The following PRKG1 variants were observed in gnomAD, a reference collection of about 807,000 sequenced individuals.
PRKG1 encodes the protein cGMP-dependent protein kinase 1.
PRKG1 carries 35 observed loss-of-function variants against 88.1 expected under a neutral mutation model. That is an observed-to-expected ratio of 0.40 (90% CI 0.30 to 0.53). The LOEUF is 0.53. Among genes scored for constraint, PRKG1 ranks in the 20% least tolerant of loss-of-function variants. The pLI is 0.59. For missense variants in PRKG1, 540 were observed against 839.8 expected (o/e 0.64, Z 4.41); for synonymous variants, 303 against 292.5 (o/e 1.04, Z -0.37).
chr10:52,268,452 T>C (rs544125127), intron 10 of PRKG1, among the ~76,000 whole-genome samples: 1 of 152,054 alleles, frequency 6.6e-6, no homozygotes, highest in African/African-American at 2.4e-5. Context: ...CCCTAACACA[T>C]GGAGGTCCCT....
intron 2 of PRKG1, among the ~76,000 whole-genome samples, chr10:51,400,336 A>G (rs2132666027): frequency 6.6e-6 from 1 of 152,346 alleles, no homozygotes; most frequent in African/African-American, 2.4e-5. Context: ...GGACAGGAGG[A>G]TGAGAAACAG....
At chr10:52,175,496 T>C (rs1006655882) in intron 9 of PRKG1, among the ~76,000 whole-genome samples, 6 of 152,112 alleles carry the variant, frequency 3.9e-5, no homozygotes, top group African/African-American at 1.4e-4. Flanking sequence ...TTCCTTTTCT[T>C]TGGTTAAATG....
chr10:51,951,074 A>G (rs571482363), intron 5 of PRKG1, among the ~76,000 whole-genome samples: 1 of 152,344 alleles, frequency 6.6e-6, no homozygotes, highest in South Asian at 2.1e-4. Context: ...TCAGAAAAAA[A>G]TCAGTCGGGG....
chr10:51,469,916 A>G (rs1840003855), intron 3 of PRKG1, among the ~76,000 whole-genome samples: 1 of 151,932 alleles, frequency 6.6e-6, no homozygotes, highest in African/African-American at 2.4e-5. Context: ...TCTGTGCGCA[A>G]CTGTTTCTTC....
At chr10:51,798,457 G>A (rs377197213) in intron 3 of PRKG1, among the ~76,000 whole-genome samples, 1 of 151,844 alleles carries the variant, frequency 6.6e-6, no homozygotes, top group African/African-American at 2.4e-5. Context: ...TATCTTCTTG[G>A]CCAACTTTGA....
intron 1 of PRKG1, among the ~76,000 whole-genome samples, chr10:51,027,437 T>G (rs1843222195): frequency 6.6e-6 from 1 of 152,230 alleles, no homozygotes; most frequent in Non-Finnish European, 1.5e-5. Context: ...TGGAATAAGT[T>G]GTTGCATAAT....
intron 2 of PRKG1, among the ~76,000 whole-genome samples, chr10:51,267,042 A>G (rs1474531211): frequency 6.6e-6 from 1 of 152,194 alleles, no homozygotes; most frequent in Non-Finnish European, 1.5e-5. Context: ...AATGCTCGTC[A>G]CCAACTCCAC....
intron 2 of PRKG1, among the ~76,000 whole-genome samples, chr10:51,464,968 T>C (rs1386102926): frequency 1.3e-5 from 2 of 151,886 alleles, no homozygotes; most frequent in African/African-American, 4.8e-5. Context: ...AATTTTAAAC[T>C]TTGGAGACTT....
At chr10:51,011,316 C>T (rs1431400599) in intron 1 of PRKG1, among the ~76,000 whole-genome samples, 1 of 151,992 alleles carries the variant, frequency 6.6e-6, no homozygotes, top group Non-Finnish European at 1.5e-5. Flanking sequence ...AATACTCTAC[C>T]CACCAGTAAC....
intron 2 of PRKG1, among the ~76,000 whole-genome samples, chr10:51,420,147 C>T (rs1838368242): frequency 6.6e-6 from 1 of 152,104 alleles, no homozygotes; most frequent in Admixed American, 6.6e-5. Flanking sequence ...CCTCAGGAAG[C>T]TTCCAGTCAT....
At chr10:51,247,597 G>T (rs775446339) in intron 2 of PRKG1, among the ~76,000 whole-genome samples, 6 of 151,916 alleles carry the variant, frequency 3.9e-5, no homozygotes, top group Non-Finnish European at 5.9e-5. Context: ...CCTGAGGACA[G>T]GACGTTGTTT....
chr10:52,002,433 C>A (rs922495645), intron 5 of PRKG1, among the ~76,000 whole-genome samples: 1 of 152,058 alleles, frequency 6.6e-6, no homozygotes, highest in African/African-American at 2.4e-5. Flanking sequence ...CACACTGGTG[C>A]CTCCTTTTCT....
At chr10:51,229,878 G>T (rs1291080653) in intron 2 of PRKG1, among the ~76,000 whole-genome samples, 1 of 132,588 alleles carries the variant, frequency 7.5e-6, no homozygotes, top group Non-Finnish European at 1.5e-5. Context: ...AGTGAGCCGT[G>T]TTTGTGCCAC....
chr10:51,776,281 A>G (rs996519162), intron 3 of PRKG1, among the ~76,000 whole-genome samples: 7 of 152,126 alleles, frequency 4.6e-5, no homozygotes, highest in African/African-American at 1.7e-4. Flanking sequence ...TTCTAATTCC[A>G]CTTAGTGGTT....
At chr10:51,572,422 C>G (rs969165221) in intron 3 of PRKG1, among the ~76,000 whole-genome samples, 3 of 151,816 alleles carry the variant, frequency 2.0e-5, no homozygotes, top group African/African-American at 7.2e-5. Flanking sequence ...GAATAGGACT[C>G]TTGAGGCTGA....
At chr10:51,404,741 A>C (rs1048651059) in intron 2 of PRKG1, among the ~76,000 whole-genome samples, 3 of 152,202 alleles carry the variant, frequency 2.0e-5, no homozygotes, top group African/African-American at 4.8e-5. Context: ...AAACACGCAT[A>C]AGAATCATGG....
At chr10:51,063,129 T>C (rs541963511) in intron 1 of PRKG1, among the ~76,000 whole-genome samples, 2 of 152,310 alleles carry the variant, frequency 1.3e-5, no homozygotes, top group Admixed American at 6.5e-5. Flanking sequence ...TAGAAAAATA[T>C]GCCAATTGTT....
intron 4 of PRKG1, among the ~76,000 whole-genome samples, chr10:51,884,785 C>T (rs968723447): frequency 1.3e-5 from 2 of 152,226 alleles, no homozygotes; most frequent in African/African-American, 4.8e-5. Context: ...AAGCTACAGG[C>T]CTTTTTATGT....
chr10:52,164,949 C>T (rs936305700), intron 9 of PRKG1, among the ~76,000 whole-genome samples: 42 of 152,216 alleles, frequency 2.8e-4, no homozygotes, highest in African/African-American at 9.9e-4. Flanking sequence ...TTCAACTGTA[C>T]AGTTTTGTTT....
Sources: gnomAD v4.1 joint callset for allele counts (sites outside exome capture counted in the v4.1 genomes callset) on GRCh38, gnomAD v4.1.1 for gene constraint, MANE v1.5 for transcripts, NCBI Gene and HGNC (gene_info 2026-07-23, HGNC 2026-07-21) for gene names.